Variants in JAK2 observed in about 807,000 individuals in gnomAD.
JAK2 encodes tyrosine-protein kinase JAK2.
A neutral mutation model predicts 139.3 loss-of-function variants in JAK2; 86 were observed. The observed-to-expected ratio is 0.62, with a 90% CI of 0.52 to 0.74. The LOEUF is 0.74. JAK2 is among the 30% of genes least tolerant of loss of function. JAK2 has a pLI of 0.00. For missense variants in JAK2, 1,421 were observed against 1,360.3 expected, an observed-to-expected ratio of 1.04 and a Z score of -0.70; for synonymous variants, 490 against 437.7, an observed-to-expected ratio of 1.12 and a Z score of -1.49.
At chr9:5,117,610 A>G (rs1324229226) in intron 22 of JAK2, among the ~76,000 whole-genome samples, 1 of 152,214 alleles carries the variant, frequency 6.6e-6, no homozygotes, top group Non-Finnish European at 1.5e-5. Flanking sequence ...TATTTTGGAA[A>G]TAGTTGTTTT....
chr9:5,036,896 A>G (rs1254700065), intron 4 of JAK2, among the ~76,000 whole-genome samples: 1 of 152,228 alleles, frequency 6.6e-6, no homozygotes, highest in East Asian at 1.9e-4. Context: ...TCTGCACAGC[A>G]AAAGAAACTA....
intron 8 of JAK2, among the ~76,000 whole-genome samples, chr9:5,062,518 A>G (rs1818261378): frequency 9.6e-6 from 1 of 103,900 alleles, no homozygotes; most frequent in Admixed American, 1.0e-4. Context: ...AAAAAAAAAA[A>G]AAAAAAAAAA....
intron 2 of JAK2, among the ~76,000 whole-genome samples, chr9:5,020,459 CA>C (rs944161427): frequency 6.6e-6 from 1 of 152,108 alleles, no homozygotes; most frequent in Non-Finnish European, 1.5e-5. Context: ...GGATGATTTC[CA>C]ATTTCCTGGT....
intron 2 of JAK2, among the ~76,000 whole-genome samples, chr9:5,006,045 C>G (rs1343453636): frequency 2.6e-4 from 38 of 143,496 alleles, no homozygotes; most frequent in South Asian, 4.5e-4. Flanking sequence ...TCATTGGTAG[C>G]TTGATGGGGA....
intron 2 of JAK2, among the ~76,000 whole-genome samples, chr9:4,996,705 C>T (rs1029197195): frequency 4.8e-4 from 73 of 151,962 alleles, no homozygotes; most frequent in Non-Finnish European, 8.7e-4. Flanking sequence ...TTCACCCCTA[C>T]CCCTCCCTGC....
chr9:5,059,063 T>A (rs1817976467), intron 8 of JAK2, among the ~76,000 whole-genome samples: 1 of 152,226 alleles, frequency 6.6e-6, no homozygotes, highest in African/African-American at 2.4e-5. Flanking sequence ...CCTATTTTTC[T>A]TTTTACTTTG....
At position 5,096,174 on chromosome 9, in the gene JAK2, C is replaced by A. The variant is rs1187415630; in HGVS notation, c.3059+5263C>A. On this transcript the variant is annotated intron_variant, in intron 22 of 24. Coordinates refer to ENST00000381652, the MANE Select transcript of JAK2 (RefSeq NM_004972.4). Reference sequence around the variant, plus strand: ...ATAATACGAAAATAAAATGACAATTCAAAAACACAAAACCCATATTACTCC... The same window carrying A: ...ATAATACGAAAATAAAATGACAATTAAAAAACACAAAACCCATATTACTCC... 2.6e-5 allele frequency among the ~76,000 whole-genome samples: 4 copies of A among 152,214 alleles called. No homozygotes were observed. The East Asian group carries it at 7.7e-4, about 29-fold the overall frequency.
intron 2 of JAK2, among the ~76,000 whole-genome samples, chr9:4,997,664 C>T (rs186617317): frequency 6.6e-6 from 1 of 152,290 alleles, no homozygotes; most frequent in East Asian, 1.9e-4. Flanking sequence ...TGCTGTACCC[C>T]TCAGCCTCAT....
intron 4 of JAK2, among the ~76,000 whole-genome samples, chr9:5,033,254 C>G (rs1246849911): frequency 6.6e-6 from 1 of 152,170 alleles, no homozygotes; most frequent in Non-Finnish European, 1.5e-5. Flanking sequence ...TGTGAAAAGA[C>G]CAAATCTACG....
intron 2 of JAK2, 80 bp downstream of exon 2, chr9:4,986,102 G>A (rs1478023794): frequency 1.3e-5 from 2 of 152,532 alleles, no homozygotes; most frequent in Non-Finnish European, 2.9e-5. Context: ...AAGGTTGGAA[G>A]CGTGTGAAGA....
At position 5,072,558 on chromosome 9, in the gene JAK2, T is replaced by C; in HGVS notation, c.1708T>C (p.Tyr570His). The C allele has an allele frequency of 6.2e-7, 1 of 1,611,140 alleles. No homozygotes were observed. The highest frequency in any genetic ancestry group is 8.5e-7 in the Non-Finnish European group (1 of 1,177,976). The stretch of plus-strand genomic sequence containing the variant: ...AGGCGTACGAAGAGAAGTAGGAGAC[T>C]ACGGTCAACTGCATGAAACAGAAGT... ...FKGVRREVGD[Y>H]GQLHETEVLL... The change falls in exon 13 of 25, where the codon TAC becomes CAC. Residue 570 changes from tyrosine to histidine, a missense_variant. Tyr to His is a moderately conservative substitution (Grantham distance 83). Coordinates refer to ENST00000381652, the MANE Select transcript of JAK2 (RefSeq NM_004972.4).
At position 5,069,939 on chromosome 9, in the gene JAK2, C is replaced by T. The variant is rs753822222; in HGVS notation, c.1528C>T (p.Leu510=). Residue 510 remains leucine, a synonymous_variant, in exon 12 of 25, where the codon CTA becomes TTA. Transcript: ENST00000381652. ...PPKPKDKSNL[L]VFRTNGVSDV... is the part of the protein sequence containing the mutation. ...TATTTTTTCAGATAAATCAAACCTT[C>T]TAGTCTTCAGAACGAATGGTGTTTC... 1.3e-6 allele frequency: 2 copies of T among 1,598,796 alleles called. No individual in the cohort carries two copies. Among genetic ancestry groups the T allele is most frequent in the East Asian group, 4.5e-5 (2 of 44,552 alleles).
chr9:5,088,558 G>C (rs1820308975), intron 19 of JAK2, among the ~76,000 whole-genome samples: 1 of 151,822 alleles, frequency 6.6e-6, no homozygotes, highest in South Asian at 2.1e-4. Context: ...AAAAAATGTA[G>C]AGTCATCCCA....
At chr9:5,120,538 G>T (rs1823536114) in intron 22 of JAK2, among the ~76,000 whole-genome samples, 1 of 152,114 alleles carries the variant, frequency 6.6e-6, no homozygotes, top group Non-Finnish European at 1.5e-5. Context: ...AATAACTGGG[G>T]GAAAAAGTGC....
intron 8 of JAK2, among the ~76,000 whole-genome samples, chr9:5,058,465 C>A (rs147021097): frequency 2.2e-4 from 34 of 152,226 alleles, no homozygotes; most frequent in African/African-American, 7.9e-4. Flanking sequence ...GGGAAACAAC[C>A]CCCATGATTC....
rs1822614808 is a variant in JAK2, at chr9:5,024,065, G to T, written c.226+1852G>T. Among the ~76,000 whole-genome samples, 5 of 152,134 alleles carry T rather than the reference G, an allele frequency of 3.3e-5. No homozygotes were observed. The South Asian group carries it at 1.0e-3, about 32-fold the overall frequency. On this transcript the variant is annotated intron_variant, in intron 3 of 24. Coordinates refer to ENST00000381652, the MANE Select transcript of JAK2 (RefSeq NM_004972.4). Reference sequence around the variant, plus strand: ...AGATCAGGAGATCGAGATCATCCTGGCTAATATGGTGAAACCTCATCTCTG... The same window carrying T: ...AGATCAGGAGATCGAGATCATCCTGTCTAATATGGTGAAACCTCATCTCTG...
chr9:5,072,943 T>C (rs1819069709), intron 13 of JAK2, among the ~76,000 whole-genome samples: 1 of 150,608 alleles, frequency 6.6e-6, no homozygotes, highest in African/African-American at 2.5e-5. Context: ...CCTCTACAAT[T>C]ACATTTATTT....
intron 22 of JAK2, chr9:5,112,188 G>T: frequency 3.7e-6 from 1 of 270,392 alleles, no homozygotes; most frequent in South Asian, 3.3e-5. Context: ...CGCTGGCCTT[G>T]GGCTTCGCCG....
chr9:5,019,285 C>G (rs998674008), intron 2 of JAK2, among the ~76,000 whole-genome samples: 1 of 152,040 alleles, frequency 6.6e-6, no homozygotes, highest in South Asian at 2.1e-4. Flanking sequence ...TTTCAGAAGA[C>G]CTGTCTTCAA....
Sources: gnomAD v4.1 joint callset for allele counts (sites outside exome capture counted in the v4.1 genomes callset) on GRCh38, gnomAD v4.1.1 for gene constraint, MANE v1.5 for transcripts, NCBI Gene and HGNC (gene_info 2026-07-23, HGNC 2026-07-21) for gene names.